CADM2: variants seen among roughly 807,000 people sequenced by gnomAD.
CADM2 encodes immunoglobulin superfamily member 4D.
Under a neutral mutation model 49.8 loss-of-function variants are expected in CADM2, and 12 were observed. That is an observed-to-expected ratio of 0.24 (90% CI 0.15 to 0.39). CADM2 has a LOEUF of 0.39. Ranked by LOEUF, CADM2 falls within the 10% of genes least tolerant of loss-of-function variation. The probability of loss-of-function intolerance (pLI) is 1.00; values close to 1 mark genes in which losing one functional copy is unlikely to be tolerated. For synonymous variants in CADM2, 214 were observed against 175.4 expected, an observed-to-expected ratio of 1.22 and a Z score of -1.74; for missense variants, 378 against 492.3, an observed-to-expected ratio of 0.77 and a Z score of 2.20.
chr3:85,050,557 AGTATATG>A (rs2035843539), intron 1 of CADM2, among the ~76,000 whole-genome samples: 1 of 152,178 alleles, frequency 6.6e-6, no homozygotes, highest in East Asian at 1.9e-4. Context: ...GAAAGGAGAT[AGTATATG>A]CATTTTAAAA....
intron 1 of CADM2, among the ~76,000 whole-genome samples, chr3:85,656,050 G>A (rs1457675849): frequency 1.3e-5 from 2 of 151,682 alleles, no homozygotes; most frequent in Admixed American, 6.6e-5. Context: ...ACATCTTAGA[G>A]CATTGATATT....
chr3:85,985,068 T>C (rs1375661258), intron 8 of CADM2, among the ~76,000 whole-genome samples: 1 of 152,030 alleles, frequency 6.6e-6, no homozygotes, highest in Non-Finnish European at 1.5e-5. Flanking sequence ...AATTTAATTG[T>C]GCATTAGTTG....
At chr3:85,307,573 A>G (rs1022559601) in intron 1 of CADM2, among the ~76,000 whole-genome samples, 2 of 151,740 alleles carry the variant, frequency 1.3e-5, no homozygotes, top group African/African-American at 4.8e-5. Context: ...AATTTATTTC[A>G]TTGTTTGGAA....
intron 1 of CADM2, among the ~76,000 whole-genome samples, chr3:85,542,152 C>T (rs17517170): frequency 0.046 from 6,969 of 152,056 alleles, 222 homozygotes; most frequent in Non-Finnish European, 0.071. Context: ...CTGTCTCTCA[C>T]CCATTGAGCC....
chr3:85,552,484 C>T (rs1185147811), intron 1 of CADM2, among the ~76,000 whole-genome samples: 1 of 141,094 alleles, frequency 7.1e-6, no homozygotes, highest in Non-Finnish European at 1.5e-5. Flanking sequence ...GGGTTCACGC[C>T]ATTCTCCTGC....
intron 1 of CADM2, among the ~76,000 whole-genome samples, chr3:85,082,307 G>T (rs756723958): frequency 2.6e-5 from 4 of 152,052 alleles, no homozygotes; most frequent in Non-Finnish European, 4.4e-5. Context: ...TACATATTAT[G>T]TCTTACATTT....
chr3:85,190,215 A>G (rs2041174786), intron 1 of CADM2, among the ~76,000 whole-genome samples: 1 of 152,054 alleles, frequency 6.6e-6, no homozygotes, highest in Non-Finnish European at 1.5e-5. Flanking sequence ...ACTGGGGATC[A>G]TTTCAGAGGA....
intron 1 of CADM2, among the ~76,000 whole-genome samples, chr3:85,270,627 A>G (rs1291662611): frequency 6.6e-6 from 1 of 150,772 alleles, no homozygotes; most frequent in East Asian, 1.9e-4. Context: ...GTGGTGAGAT[A>G]AAAGCCTGAG....
chr3:85,510,869 C>CA (rs2106836276), intron 1 of CADM2, among the ~76,000 whole-genome samples: 1 of 150,074 alleles, frequency 6.7e-6, no homozygotes, highest in South Asian at 2.1e-4. Context: ...ACAAGGCAAT[C>CA]AAAAAATAGT....
intron 1 of CADM2, among the ~76,000 whole-genome samples, chr3:85,594,776 A>G (rs1283203659): frequency 1.3e-5 from 2 of 152,068 alleles, no homozygotes; most frequent in African/African-American, 2.4e-5. Flanking sequence ...ATAAAATGCT[A>G]TGACAAAGAG....
intron 1 of CADM2, among the ~76,000 whole-genome samples, chr3:85,672,984 C>T (rs2065785855): frequency 6.6e-6 from 1 of 152,118 alleles, no homozygotes; most frequent in African/African-American, 2.4e-5. Flanking sequence ...AATAGAAGAG[C>T]TGTGTTAATG....
At chr3:85,388,877 G>T (rs889956340) in intron 1 of CADM2, among the ~76,000 whole-genome samples, 2 of 151,758 alleles carry the variant, frequency 1.3e-5, no homozygotes, top group Admixed American at 1.3e-4. Context: ...TGATATCTAA[G>T]ATGTGTTAGA....
chr3:85,883,589 C>T (rs968766996), intron 4 of CADM2, 146 bp downstream of exon 4: 13 of 668,630 alleles, frequency 1.9e-5, no homozygotes, highest in African/African-American at 1.9e-4. Context: ...TTAACACAGG[C>T]GTTTTAAAAT....
At chr3:85,933,082 C>A (rs1403821244) in intron 6 of CADM2, among the ~76,000 whole-genome samples, 2 of 152,130 alleles carry the variant, frequency 1.3e-5, no homozygotes, top group African/African-American at 4.8e-5. Context: ...TTTCTCACAG[C>A]TGCCTGCCAC....
At chr3:85,575,936 A>T (rs114151605) in intron 1 of CADM2, among the ~76,000 whole-genome samples, 232 of 152,320 alleles carry the variant, frequency 1.5e-3, no homozygotes, top group African/African-American at 5.4e-3. Flanking sequence ...AGCGCTCAAG[A>T]CTTCTCTAAC....
At chr3:85,368,500 A>ATG (rs1676517169) in intron 1 of CADM2, among the ~76,000 whole-genome samples, 1 of 150,942 alleles carries the variant, frequency 6.6e-6, no homozygotes, top group Non-Finnish European at 1.5e-5. Flanking sequence ...TGAGATTCAT[A>ATG]TGTGTGTATA....
At chr3:85,776,429 C>T (rs1179843874) in intron 2 of CADM2, among the ~76,000 whole-genome samples, 1 of 151,604 alleles carries the variant, frequency 6.6e-6, no homozygotes, top group African/African-American at 2.4e-5. Context: ...CTACTGAAGT[C>T]AAATCACCAT....
chr3:85,271,298 AAT>A (rs1281951317), intron 1 of CADM2, among the ~76,000 whole-genome samples: 2 of 148,716 alleles, frequency 1.3e-5, no homozygotes, highest in Non-Finnish European at 3.0e-5. Flanking sequence ...TGCAGAAATA[AAT>A]ATGAGTTTAC....
chr3:85,682,235 A>C (rs2066059866), intron 1 of CADM2, among the ~76,000 whole-genome samples: 1 of 152,116 alleles, frequency 6.6e-6, no homozygotes. Context: ...TATTTGGGAG[A>C]AAAAGAGGTT....
Sources: allele counts gnomAD v4.1 joint callset (sites outside exome capture counted in the v4.1 genomes callset), GRCh38; gene constraint gnomAD v4.1.1; transcripts MANE v1.5; gene names NCBI Gene and HGNC (gene_info 2026-07-23, HGNC 2026-07-21).